Variants in MET observed in about 807,000 individuals in gnomAD.
MET encodes hepatocyte growth factor receptor.
Under a neutral mutation model 133.1 loss-of-function variants are expected in MET, and 48 were observed. That is an observed-to-expected ratio of 0.36 (90% CI 0.29 to 0.46). The LOEUF (loss-of-function observed/expected upper bound fraction) is 0.46. MET is among the 20% of genes least tolerant of loss of function. The pLI is 1.00. For synonymous variants in MET, 628 were observed against 616.5 expected (o/e 1.02, Z -0.28); for missense variants, 1,442 against 1,695.9 (o/e 0.85, Z 2.63).
At chr7:116,741,714 C>T (rs895578036) in intron 5 of MET, among the ~76,000 whole-genome samples, 5 of 152,200 alleles carry the variant, frequency 3.3e-5, no homozygotes, top group Non-Finnish European at 7.3e-5. Flanking sequence ...AAAGGCTCAA[C>T]GGATGACTAT....
At chr7:116,761,118 G>C (rs1278355739) in intron 10 of MET, among the ~76,000 whole-genome samples, 1 of 152,040 alleles carries the variant, frequency 6.6e-6, no homozygotes, top group Admixed American at 6.6e-5. Flanking sequence ...CACTCAGAAT[G>C]CCTTAGCTTC....
chr7:116,674,784 G>A (rs776515946), intron 1 of MET, among the ~76,000 whole-genome samples: 11 of 152,042 alleles, frequency 7.2e-5, no homozygotes, highest in Admixed American at 3.3e-4. Context: ...AAGGCCTTCC[G>A]TGCCCCCATT....
At chr7:116,761,530 AAT>A (rs895601156) in intron 10 of MET, among the ~76,000 whole-genome samples, 11 of 152,268 alleles carry the variant, frequency 7.2e-5, no homozygotes, top group Admixed American at 5.9e-4. Context: ...GTCCAGCCAC[AAT>A]AACTTTAAGT....
intron 5 of MET, among the ~76,000 whole-genome samples, chr7:116,755,036 G>GAAAGAAAGAA (rs1554394838): frequency 6.6e-6 from 1 of 151,356 alleles, no homozygotes; most frequent in Non-Finnish European, 1.5e-5. Flanking sequence ...AAGAAAGAAA[G>GAAAGAAAGAA]AAAGAAAAGA....
chr7:116,779,974 A>G (rs929924906), intron 17 of MET, among the ~76,000 whole-genome samples: 4 of 152,216 alleles, frequency 2.6e-5, no homozygotes, highest in Non-Finnish European at 4.4e-5. Flanking sequence ...ATGCATATAT[A>G]TGTACACACA....
At chr7:116,725,109 T>C (rs1584906732) in intron 2 of MET, among the ~76,000 whole-genome samples, 1 of 152,160 alleles carries the variant, frequency 6.6e-6, no homozygotes, top group African/African-American at 2.4e-5. Context: ...GTAAGAAGTA[T>C]GATGTAATGT....
chr7:116,698,968 A>G, intron 1 of MET, 103 bp from the exon 2 acceptor site: 1 of 1,526,566 alleles, frequency 6.6e-7, no homozygotes, highest in Non-Finnish European at 8.9e-7. Context: ...GTAAAAGTCC[A>G]GTTGGGAAGC....
chr7:116,783,950 G>A (rs975925889), intron 19 of MET, among the ~76,000 whole-genome samples: 8 of 152,186 alleles, frequency 5.3e-5, no homozygotes, highest in East Asian at 1.9e-4. Context: ...TCCTTCTTGC[G>A]CAGAACAAGC....
chr7:116,683,110 G>A (rs548773799), intron 1 of MET, among the ~76,000 whole-genome samples: 4 of 152,040 alleles, frequency 2.6e-5, no homozygotes, highest in South Asian at 2.1e-4. Flanking sequence ...AGTGGTACAT[G>A]CGCAGATTTG....
At chr7:116,681,083 A>AT (rs1796340983) in intron 1 of MET, among the ~76,000 whole-genome samples, 1 of 152,100 alleles carries the variant, frequency 6.6e-6, no homozygotes, top group South Asian at 2.1e-4. Context: ...CTTGTGTTAC[A>AT]TGTGGTTTGA....
chr7:116,698,662 C>G (rs563343106), intron 1 of MET, among the ~76,000 whole-genome samples: 17 of 152,326 alleles, frequency 1.1e-4, no homozygotes, highest in African/African-American at 4.1e-4. Flanking sequence ...AGTTCCTTTA[C>G]TTGACTAACA....
intron 1 of MET, among the ~76,000 whole-genome samples, chr7:116,686,440 C>A (rs2116508330): frequency 6.6e-6 from 1 of 152,264 alleles, no homozygotes; most frequent in Admixed American, 6.5e-5. Context: ...GATGCCCCAG[C>A]CCTACTTTTT....
At chr7:116,711,675 C>T (rs1355964684) in intron 2 of MET, among the ~76,000 whole-genome samples, 1 of 151,160 alleles carries the variant, frequency 6.6e-6, no homozygotes, top group Non-Finnish European at 1.5e-5. Flanking sequence ...TAAGATAAAA[C>T]TAGACCTCAG....
chr7:116,674,726 T>C (rs1238901545), intron 1 of MET, among the ~76,000 whole-genome samples: 1 of 152,222 alleles, frequency 6.6e-6, no homozygotes, highest in Non-Finnish European at 1.5e-5. Flanking sequence ...CATTTCTCTG[T>C]CCTCTTCCTC....
rs764368218 is a variant in MET at position 116,771,574 on chromosome 7, C to G, written c.2807C>G (p.Ala936Gly). The G allele has an allele frequency of 6.2e-7, 1 of 1,613,840 alleles. No individual in the cohort carries two copies. The highest frequency in any genetic ancestry group is 8.5e-7 in the Non-Finnish European group (1 of 1,179,784). ...QPDQNFTGLIAGVVSISTALL... is the reference protein window; with the variant it reads ...QPDQNFTGLIGGVVSISTALL... ...GATCAGAATTTCACAGGATTGATTG[C>G]TGGTGTTGTCTCAATATCAACAGCA... The change falls in exon 13 of 21, where the codon GCT becomes GGT. Residue 936 changes from alanine (A) to glycine (G), a missense_variant. Physicochemically the swap from Ala to Gly is moderately conservative, Grantham distance 60. Coordinates refer to ENST00000397752, the MANE Select transcript of MET (RefSeq NM_000245.4).
Position 116,754,475 on chromosome 7 carries a change from C to T in MET, c.1702-880C>T, listed in dbSNP as rs143431244. On this transcript the variant is annotated intron_variant, in intron 5 of 20. Transcript: ENST00000397752. ...TGAGCAAGTAAAAGTCTGGGCCCAA[C>T]GTGTTTCTACTCCTACCCTAAAGAG... Among the ~76,000 whole-genome samples the T allele has an allele frequency of 5.1e-3, 779 of 152,194 alleles. 6 individuals carry two copies. Among genetic ancestry groups the T allele is most frequent in the Non-Finnish European group, 8.2e-3 (559 of 68,008 alleles).
At chr7:116,744,615 T>C (rs1793594309) in intron 5 of MET, among the ~76,000 whole-genome samples, 1 of 152,148 alleles carries the variant, frequency 6.6e-6, no homozygotes, top group South Asian at 2.1e-4. Flanking sequence ...GAAAACACTC[T>C]TCAGAATATT....
At chr7:116,783,244 C>A in intron 18 of MET, 60 bp from the exon 19 acceptor site, 2 of 1,590,694 alleles carry the variant, frequency 1.3e-6, no homozygotes, top group Non-Finnish European at 1.7e-6. Context: ...TGTAGATATT[C>A]AGCATCATTG....
intron 19 of MET, among the ~76,000 whole-genome samples, chr7:116,792,825 G>A (rs1795551338): frequency 6.6e-6 from 1 of 152,132 alleles, no homozygotes; most frequent in East Asian, 1.9e-4. Context: ...CAGAACTTTG[G>A]CTTCCTCATC....
Sources: gnomAD v4.1 joint callset for allele counts (sites outside exome capture counted in the v4.1 genomes callset) on GRCh38, gnomAD v4.1.1 for gene constraint, MANE v1.5 for transcripts, NCBI Gene and HGNC (gene_info 2026-07-23, HGNC 2026-07-21) for gene names.